Variants in FOXN3 observed in about 807,000 individuals in gnomAD.
The protein encoded by FOXN3 is forkhead box protein N3.
Under a neutral mutation model 38.4 loss-of-function variants are expected in FOXN3, and 7 were observed. The ratio of observed to expected loss-of-function variants is 0.18; its 90% confidence interval spans 0.10 to 0.34. The LOEUF is 0.34. Among genes scored for constraint, FOXN3 ranks in the 10% least tolerant of loss-of-function variants. The pLI is 1.00. For synonymous variants in FOXN3, 230 were observed against 242.2 expected, an observed-to-expected ratio of 0.95 and a Z score of 0.47; for missense variants, 456 against 613.4, an observed-to-expected ratio of 0.74 and a Z score of 2.71.
chr14:89,604,420 A>G lies in FOXN3; in HGVS notation c.-15+14608T>C, dbSNP rs527439539. ...TAAATAAATAAAAGGGAACGAGTAT[A>G]TAAGAATCGAGCTAGATCAGATAGA... On this transcript the variant is annotated intron_variant, in intron 1 of 6. Coordinates refer to the FOXN3 transcript ENST00000345097. Among the ~76,000 whole-genome samples the G allele has an allele frequency of 2.0e-5, 3 of 152,386 alleles. No individual in the cohort carries two copies. In the South Asian group the frequency reaches 6.2e-4, roughly 32 times the overall value.
intron 5 of FOXN3, among the ~76,000 whole-genome samples, chr14:89,175,577 T>A (rs1047189385): frequency 2.6e-5 from 4 of 152,178 alleles, no homozygotes; most frequent in African/African-American, 9.6e-5. Context: ...TGTGTGTGAA[T>A]CCAAATAACA....
At chr14:89,320,096 C>T (rs1339487561) in intron 3 of FOXN3, among the ~76,000 whole-genome samples, 3 of 151,910 alleles carry the variant, frequency 2.0e-5, no homozygotes, top group East Asian at 1.9e-4. Flanking sequence ...TGCGGGCAGC[C>T]GGGAAGGGGA....
At chr14:89,261,615 G>T (rs905194329) in intron 4 of FOXN3, among the ~76,000 whole-genome samples, 1 of 152,038 alleles carries the variant, frequency 6.6e-6, no homozygotes. Flanking sequence ...CCAACAGGGT[G>T]AAACCCTGTC....
intron 1 of FOXN3, among the ~76,000 whole-genome samples, chr14:89,457,233 C>T (rs1420680273): frequency 6.6e-6 from 1 of 152,166 alleles, no homozygotes; most frequent in Non-Finnish European, 1.5e-5. Flanking sequence ...TTCTAGAGAC[C>T]TTCACGGAGT....
intron 4 of FOXN3, among the ~76,000 whole-genome samples, chr14:89,194,833 G>A (rs1888057018): frequency 6.6e-6 from 1 of 151,474 alleles, no homozygotes; most frequent in Admixed American, 6.6e-5. Context: ...GTGAAAATAA[G>A]CATATATGTA....
rs577478941 is a variant in FOXN3 at position 89,159,870 on chromosome 14, A to G, written c.*2544T>C. On this transcript the variant is annotated 3_prime_UTR_variant, in exon 6 of 6. Transcript: ENST00000557258. ...TACTTTATTCCCACCTACACCCTGA[A>G]TAAATATGCTGGAAGTATTCAGCTT... The G allele has an allele frequency of 1.3e-5, 2 of 152,344 alleles. No individual in the cohort carries two copies. The highest frequency in any genetic ancestry group is 2.4e-5 in the African/African-American group (1 of 41,578). 9.4% of individuals were successfully genotyped at this position (152,344 alleles called of 1,614,324 possible).
chr14:89,505,537 G>A (rs1304557414), intron 1 of FOXN3, among the ~76,000 whole-genome samples: 11 of 152,298 alleles, frequency 7.2e-5, no homozygotes, highest in South Asian at 2.1e-4. Flanking sequence ...TCGGCCTCCC[G>A]AGGTGCCGGG....
In FOXN3 at chr14:89,320,021, C is replaced by T. The variant is rs189328529; in HGVS notation, c.680+30651G>A. ...GTAAACATCAGATCTGCTGCAGAAT[C>T]AAACACAATTAAAACTTTAATTAAC... is the stretch of plus-strand genomic sequence containing the variant. On this transcript the variant is annotated intron_variant, in intron 3 of 5. Transcript: ENST00000557258. Among the ~76,000 whole-genome samples, 84 of 152,272 alleles carry T rather than the reference C, an allele frequency of 5.5e-4. 1 individual carries two copies. The highest frequency in any genetic ancestry group is 1.9e-3 in the African/African-American group (80 of 41,558).
chr14:89,297,949 C>A (rs1461507918), intron 3 of FOXN3, among the ~76,000 whole-genome samples: 1 of 152,188 alleles, frequency 6.6e-6, no homozygotes, highest in Non-Finnish European at 1.5e-5. Flanking sequence ...CATGCTACTG[C>A]ACTCTGGCCT....
At chr14:89,483,596 C>T (rs1269852946) in intron 1 of FOXN3, among the ~76,000 whole-genome samples, 4 of 152,024 alleles carry the variant, frequency 2.6e-5, no homozygotes, top group Non-Finnish European at 4.4e-5. Context: ...TTTGTAGAGA[C>T]GGGGTTTCAC....
chr14:89,596,024 A>C (rs1896049778), intron 1 of FOXN3, among the ~76,000 whole-genome samples: 1 of 152,210 alleles, frequency 6.6e-6, no homozygotes, highest in Non-Finnish European at 1.5e-5. Flanking sequence ...AATATATTAC[A>C]CTAACCTTGC....
chr14:89,180,747 C>G lies in FOXN3; in HGVS notation c.805G>C (p.Val269Leu), dbSNP rs151269727. The change falls in exon 5 of 6, where the codon GTG becomes CTG. Residue 269 changes from valine to leucine, a missense_variant. Physicochemically the swap from Val to Leu is conservative, Grantham distance 32. Around this residue, in one of 3 missense-constraint regions of FOXN3, gnomAD observed 386 missense variants for 505.2 expected, o/e 0.76. Coordinates refer to ENST00000557258, the MANE Select transcript of FOXN3 (RefSeq NM_005197.4). ...RVLSRGLFPG[V>L]RPLPITPIGV... ...ATGGGAGTGATTGGCAGCGGCCGCA[C>G]GCCAGGAAACAGCCCTCGGCTCAGG... 4 of 1,612,274 alleles carry G rather than the reference C, an allele frequency of 2.5e-6. No individual in the cohort carries two copies. Among genetic ancestry groups the G allele is most frequent in the Non-Finnish European group, 3.4e-6 (4 of 1,179,334 alleles).
chr14:89,381,233 G>GT (rs1332078073), intron 2 of FOXN3, among the ~76,000 whole-genome samples: 1 of 150,580 alleles, frequency 6.6e-6, no homozygotes, highest in Non-Finnish European at 1.5e-5. Context: ...CACCACAAAG[G>GT]TAACAGTCAT....
At chr14:89,184,463 G>A (rs1235082275) in intron 4 of FOXN3, among the ~76,000 whole-genome samples, 1 of 152,214 alleles carries the variant, frequency 6.6e-6, no homozygotes, top group East Asian at 1.9e-4. Context: ...TCAGGCGCAT[G>A]GCCAGCAGAG....
At chr14:89,225,088 C>T (rs936449079) in intron 4 of FOXN3, among the ~76,000 whole-genome samples, 5 of 149,304 alleles carry the variant, frequency 3.3e-5, no homozygotes, top group African/African-American at 1.2e-4. Flanking sequence ...GAGATTGTGC[C>T]ACTGCACTCC....
rs114246157 is a variant in FOXN3, at chr14:89,165,918, T to G, written c.852-2949A>C. ...ATAAATGGATTCAGTTCTGAATGTT[T>G]CTTTTAAAAAATAACTTGGGGCTTA... On this transcript the variant is annotated intron_variant, in intron 5 of 5. Coordinates refer to ENST00000557258, the MANE Select transcript of FOXN3 (RefSeq NM_005197.4). Among the ~76,000 whole-genome samples the G allele has an allele frequency of 3.0e-3, 458 of 152,344 alleles. 1 individual carries two copies. The highest frequency in any genetic ancestry group is 0.011 in the African/African-American group (439 of 41,572).
chr14:89,493,046 G>T (rs1445015459), intron 1 of FOXN3, among the ~76,000 whole-genome samples: 1 of 152,102 alleles, frequency 6.6e-6, no homozygotes, highest in East Asian at 1.9e-4. Flanking sequence ...AGTTCCCTGT[G>T]CACATAAAAA....
chr14:89,579,326 T>C (rs1895699106), intron 1 of FOXN3, among the ~76,000 whole-genome samples: 2 of 150,948 alleles, frequency 1.3e-5, no homozygotes, highest in South Asian at 4.2e-4. Context: ...AATTTATTTA[T>C]GTTTTTTTTT....
intron 5 of FOXN3, among the ~76,000 whole-genome samples, chr14:89,177,872 C>T (rs779555083): frequency 1.1e-4 from 16 of 152,168 alleles, no homozygotes; most frequent in Non-Finnish European, 1.9e-4. Context: ...TCATTCCAAC[C>T]TCTTCCCTTT....
Sources: gnomAD v4.1 joint callset for allele counts (sites outside exome capture counted in the v4.1 genomes callset) on GRCh38, gnomAD v4.1.1 for gene constraint, gnomAD v4.1.1 regional missense constraint, MANE v1.5 for transcripts, NCBI Gene and HGNC (gene_info 2026-07-23, HGNC 2026-07-21) for gene names.